The following THUMPD2 variants were observed in gnomAD, a reference collection of about 807,000 sequenced individuals.
THUMPD2 encodes the protein THUMP domain 2 tRNA and snRNA guanosine methyltransferase, also known as U6 snRNA (guanine-N(2))-methyltransferase THUMPD2.
Under a neutral mutation model 49.4 loss-of-function variants are expected in THUMPD2, and 56 were observed. The ratio of observed to expected loss-of-function variants is 1.13; its 90% CI spans 0.91 to 1.41. THUMPD2 has a LOEUF of 1.41. Ranked by LOEUF, THUMPD2 falls within the 40% of genes most tolerant of loss-of-function variation. THUMPD2 has a pLI of 0.00. For synonymous variants in THUMPD2, 237 were observed against 205.2 expected (o/e 1.15, Z -1.32); for missense variants, 709 against 594.5 (o/e 1.19, Z -2.00).
In THUMPD2 at chr2:39,764,721, T is replaced by C. The variant is rs138652745; in HGVS notation, c.803+1336A>G. Among the ~76,000 whole-genome samples, 14 of 152,344 alleles carry C rather than the reference T, an allele frequency of 9.2e-5. No homozygotes were observed. In the East Asian group the frequency reaches 1.3e-3, roughly 15 times the overall value. On this transcript the variant is annotated intron_variant, in intron 5 of 9. Coordinates refer to ENST00000505747, the MANE Select transcript of THUMPD2 (RefSeq NM_025264.5). ...GTGCTATCTGTTGTGCAAGTCTTCA[T>C]GTCTCCCTTTTCATGTCCCGGTAAA...
intron 6 of THUMPD2, among the ~76,000 whole-genome samples, chr2:39,760,865 T>TAA (rs1479414320): frequency 6.6e-6 from 1 of 152,012 alleles, no homozygotes; most frequent in African/African-American, 2.4e-5. Context: ...TGCAAAAACT[T>TAA]AAAAAAATAC....
rs780877969 is a variant in THUMPD2, at chr2:39,761,422, C to G, written c.804-4G>C. The stretch of plus-strand genomic sequence containing the variant: ...AGCTCTGCTGGCTAGGGAAACCCTA[C>G]AAAGGATAGAATCTGATTATATATT... On this transcript the variant is annotated splice_polypyrimidine_tract_variant and splice_region_variant and intron_variant, in intron 5 of 9. Transcript: ENST00000505747. 1.2e-6 allele frequency: 2 copies of G among 1,612,954 alleles called. No individual in the cohort carries two copies. The highest frequency in any genetic ancestry group is 2.2e-5 in the South Asian group (2 of 91,036).
chr2:39,763,933 C>T (rs575836225), intron 5 of THUMPD2, among the ~76,000 whole-genome samples: 2 of 152,268 alleles, frequency 1.3e-5, no homozygotes, highest in South Asian at 4.1e-4. Context: ...TAATTTTCTA[C>T]CACTTTCTCT....
Position 39,771,631 on chromosome 2 carries a change from T to C in THUMPD2, c.136A>G (p.Ile46Val), listed in dbSNP as rs1428154149. The change falls in exon 2 of 10, where the codon ATT becomes GTT. Residue 46 changes from isoleucine to valine, a missense_variant. Coordinates refer to ENST00000505747, the MANE Select transcript of THUMPD2 (RefSeq NM_025264.5). ...ARLAATQVEY[I>V]SGKVFFTTCS... ...GTGGTGAAAAAAACCTTTCCTGAAA[T>C]ATATTCAACCTAGAAATAGAAAAAC... 43 of 1,602,660 alleles carry C rather than the reference T, an allele frequency of 2.7e-5. No individual in the cohort carries two copies. Among genetic ancestry groups the C allele is most frequent in the Non-Finnish European group, 3.7e-5 (43 of 1,176,986 alleles).
At chr2:39,737,654 T>G (rs941684555) in intron 9 of THUMPD2, among the ~76,000 whole-genome samples, 1 of 152,106 alleles carries the variant, frequency 6.6e-6, no homozygotes, top group Admixed American at 6.5e-5. Context: ...GAAAATGCTA[T>G]AATCAAGGCA....
At chr2:39,741,055 A>C (rs891801545) in intron 9 of THUMPD2, among the ~76,000 whole-genome samples, 1 of 152,146 alleles carries the variant, frequency 6.6e-6, no homozygotes, top group African/African-American at 2.4e-5. Context: ...ATTATAAAGC[A>C]ATGTTTACCA....
Position 39,755,373 on chromosome 2 carries a change from G to T in THUMPD2, c.1000C>A (p.Gln334Lys), listed in dbSNP as rs569975623. The change falls in exon 8 of 10, where the codon CAG becomes AAG. Residue 334 changes from glutamine to lysine, a missense_variant. By Grantham distance (53) the Gln-to-Lys change is moderately conservative (BLOSUM62 1). Transcript: ENST00000505747. ...AGATTGTCCCAAGTACCTAGTAACT[G>T]TGAGTCGCTGACATCAGCACCTACA... ...YYVGADVSDSQLLGTWDNLKA... is the reference protein window; with the variant it reads ...YYVGADVSDSKLLGTWDNLKA... The T allele has an allele frequency of 1.3e-6, 2 of 1,559,326 alleles. No individual in the cohort carries two copies. The highest frequency in any genetic ancestry group is 4.9e-5 in the East Asian group (2 of 40,870).
At chr2:39,742,838 A>C (rs1250846698) in intron 9 of THUMPD2, among the ~76,000 whole-genome samples, 1 of 152,146 alleles carries the variant, frequency 6.6e-6, no homozygotes, top group Non-Finnish European at 1.5e-5. Flanking sequence ...AAAGCTCCTG[A>C]AATGATTTTT....
intron 6 of THUMPD2, 64 bp from the exon 7 acceptor site, chr2:39,756,024 C>T (rs1441122392): frequency 2.1e-6 from 3 of 1,441,200 alleles, no homozygotes; most frequent in South Asian, 2.4e-5. Flanking sequence ...TAAAAGAAAC[C>T]TAAAACTTGA....
intron 8 of THUMPD2, among the ~76,000 whole-genome samples, chr2:39,749,618 T>C (rs1340819345): frequency 1.6e-4 from 24 of 152,196 alleles, no homozygotes; most frequent in Admixed American, 1.6e-3. Context: ...CTTCAACTTT[T>C]AAGTTCCAGG....
intron 9 of THUMPD2, 93 bp from the exon 10 acceptor site, chr2:39,737,152 G>T: frequency 8.3e-7 from 1 of 1,201,722 alleles, no homozygotes; most frequent in South Asian, 1.6e-5. Context: ...TTTTTAATTT[G>T]AAATTTAATT....
At chr2:39,772,316 T>A (rs1362560268) in intron 1 of THUMPD2, among the ~76,000 whole-genome samples, 1 of 152,204 alleles carries the variant, frequency 6.6e-6, no homozygotes, top group Admixed American at 6.5e-5. Flanking sequence ...TCATGAAATT[T>A]TGAGTACCAC....
chr2:39,778,098 T>C (rs867577861), intron 1 of THUMPD2, among the ~76,000 whole-genome samples: 1 of 152,246 alleles, frequency 6.6e-6, no homozygotes, highest in Admixed American at 6.5e-5. Context: ...GACTTACCTG[T>C]GCTTCATTTT....
intron 7 of THUMPD2, 116 bp from the exon 8 acceptor site, chr2:39,755,525 G>C: frequency 1.5e-6 from 1 of 673,570 alleles, no homozygotes; most frequent in South Asian, 2.3e-5. Flanking sequence ...TTTAAATTCA[G>C]GTCAAAACAC....
intron 1 of THUMPD2, among the ~76,000 whole-genome samples, chr2:39,773,487 A>T (rs1678610989): frequency 6.7e-6 from 1 of 150,166 alleles, no homozygotes; most frequent in Non-Finnish European, 1.5e-5. Flanking sequence ...TTCAAACATC[A>T]AGGGAAGCAT....
At chr2:39,748,706 G>A (rs893101706) in intron 8 of THUMPD2, among the ~76,000 whole-genome samples, 1 of 151,404 alleles carries the variant, frequency 6.6e-6, no homozygotes, top group African/African-American at 2.4e-5. Context: ...CAAAAAAAGT[G>A]GCCAGGTATG....
intron 1 of THUMPD2, among the ~76,000 whole-genome samples, chr2:39,777,632 T>C: frequency 6.6e-6 from 1 of 152,240 alleles, no homozygotes; most frequent in Non-Finnish European, 1.5e-5. Flanking sequence ...TCACTTTGTA[T>C]CAGAGCAACT....
At chr2:39,751,282 G>A (rs900321932) in intron 8 of THUMPD2, among the ~76,000 whole-genome samples, 3 of 152,186 alleles carry the variant, frequency 2.0e-5, no homozygotes, top group Admixed American at 6.5e-5. Flanking sequence ...CTTATTATGC[G>A]GTGCTTATGG....
chr2:39,774,512 T>G (rs1678810309), intron 1 of THUMPD2, among the ~76,000 whole-genome samples: 1 of 152,206 alleles, frequency 6.6e-6, no homozygotes, highest in Non-Finnish European at 1.5e-5. Flanking sequence ...AAATGAGGAC[T>G]TACTGTAGTT....
Sources: allele counts gnomAD v4.1 joint callset (sites outside exome capture counted in the v4.1 genomes callset), GRCh38; gene constraint gnomAD v4.1.1; transcripts MANE v1.5; gene names NCBI Gene and HGNC (gene_info 2026-07-23, HGNC 2026-07-21).